The following OVCH1 variants were observed in gnomAD, a reference collection of about 807,000 sequenced individuals.
The protein encoded by OVCH1 is ovochymase-1.
Under a neutral mutation model 138.4 loss-of-function variants are expected in OVCH1, and 139 were observed. The observed-to-expected ratio is 1.00, with a 90% CI of 0.87 to 1.16. The LOEUF (loss-of-function observed/expected upper bound fraction) is 1.16. Among genes scored for constraint, OVCH1 ranks in the 50% most tolerant of loss-of-function variants. The pLI is 0.00. For synonymous variants in OVCH1, 453 were observed against 467.8 expected (o/e 0.97, Z 0.41); for missense variants, 1,367 against 1,357.9 (o/e 1.01, Z -0.11).
intron 16 of OVCH1, among the ~76,000 whole-genome samples, chr12:29,467,265 C>A (rs930854522): frequency 6.6e-6 from 1 of 152,112 alleles, no homozygotes; most frequent in Non-Finnish European, 1.5e-5. Context: ...GTATACAATA[C>A]AATGAAGTAA....
At chr12:29,476,349 G>A (rs771880308) in intron 12 of OVCH1, 50 bp from the exon 13 acceptor site, 1 of 1,435,384 alleles carries the variant, frequency 7.0e-7, no homozygotes, top group South Asian at 1.1e-5. Context: ...AGAGAAGAGA[G>A]AAGCTTAAAG....
intron 3 of OVCH1, among the ~76,000 whole-genome samples, chr12:29,421,494 T>C (rs536863660): frequency 1.2e-4 from 19 of 152,278 alleles, no homozygotes; most frequent in African/African-American, 4.1e-4. Context: ...TATGCATCTT[T>C]AGGATACTCA....
downstream of OVCH1, among the ~76,000 whole-genome samples, chr12:29,410,311 T>G (rs1255401721): frequency 3.3e-5 from 5 of 151,068 alleles, no homozygotes; most frequent in Non-Finnish European, 7.4e-5. Context: ...CCATTTATAT[T>G]TAAAGTTAAT....
chr12:29,475,323 C>T (rs1378502630), intron 13 of OVCH1, 134 bp from the exon 14 acceptor site: 2 of 578,584 alleles, frequency 3.5e-6, no homozygotes, highest in African/African-American at 4.0e-5. Flanking sequence ...ACCCTTACAT[C>T]TCATGTGAGA....
At chr12:29,443,846 G>C (rs1050981778) in intron 24 of OVCH1, among the ~76,000 whole-genome samples, 2 of 151,974 alleles carry the variant, frequency 1.3e-5, no homozygotes, top group Non-Finnish European at 2.9e-5. Context: ...TATCTACTAT[G>C]TACCCAAATA....
At chr12:29,473,588 A>T (rs1942590308) in intron 14 of OVCH1, among the ~76,000 whole-genome samples, 1 of 152,090 alleles carries the variant, frequency 6.6e-6, no homozygotes, top group Non-Finnish European at 1.5e-5. Flanking sequence ...GAACCAAATG[A>T]TTTTAAGAGT....
At chr12:29,476,246 A>G (rs1311335442) in exon 13 of OVCH1, 2 of 1,613,714 alleles carry the variant, frequency 1.2e-6, no homozygotes, top group East Asian at 4.5e-5. Flanking sequence ...AAATCACAAC[A>G]GCATCATAAA....
chr12:29,494,133 C>A (rs1042128652), intron 4 of OVCH1, among the ~76,000 whole-genome samples: 1 of 152,084 alleles, frequency 6.6e-6, no homozygotes, highest in Non-Finnish European at 1.5e-5. Context: ...GTCCTTATTC[C>A]CTCACTTTAT....
At chr12:29,410,213 G>A (rs1940937334), downstream of OVCH1, among the ~76,000 whole-genome samples, 1 of 142,174 alleles carries the variant, frequency 7.0e-6, no homozygotes, top group African/African-American at 2.5e-5. Flanking sequence ...CTCTGCGTGT[G>A]AGATGGGTTT....
intron 7 of OVCH1, chr12:29,486,817 T>G (rs189719667): frequency 4.1e-5 from 17 of 416,418 alleles, no homozygotes; most frequent in Admixed American, 3.6e-4. Context: ...TTCATTGCTC[T>G]TGTAAAATCT....
chr12:29,496,135 T>G (rs779479407), intron 3 of OVCH1, 46 bp downstream of exon 3: 4 of 1,505,400 alleles, frequency 2.7e-6, no homozygotes, highest in Admixed American at 3.8e-5. Flanking sequence ...GCCAGTCGCA[T>G]AGCCAGGAAT....
intron 25 of OVCH1, among the ~76,000 whole-genome samples, chr12:29,440,334 A>G (rs1017326250): frequency 6.6e-6 from 1 of 152,192 alleles, no homozygotes; most frequent in Non-Finnish European, 1.5e-5. Context: ...CAGTTGATTA[A>G]CATTATAAGT....
At chr12:29,468,312 T>C (rs1942386220) in intron 16 of OVCH1, among the ~76,000 whole-genome samples, 1 of 152,158 alleles carries the variant, frequency 6.6e-6, no homozygotes, top group East Asian at 1.9e-4. Context: ...TACATATTTT[T>C]AAAGAAATTA....
chr12:29,416,362 G>C (rs1031077524), intron 3 of OVCH1, among the ~76,000 whole-genome samples: 7 of 152,088 alleles, frequency 4.6e-5, no homozygotes, highest in African/African-American at 1.7e-4. Flanking sequence ...CTGTTAAGAG[G>C]ATGAAGAGAC....
intron 22 of OVCH1, among the ~76,000 whole-genome samples, chr12:29,450,088 A>G (rs778671288): frequency 2.6e-5 from 4 of 152,208 alleles, no homozygotes; most frequent in Non-Finnish European, 4.4e-5. Flanking sequence ...AGGCAATACC[A>G]TTCAGAACAT....
intron 3 of OVCH1, among the ~76,000 whole-genome samples, chr12:29,418,032 G>A (rs1565561521): frequency 6.6e-6 from 1 of 152,226 alleles, no homozygotes; most frequent in Non-Finnish European, 1.5e-5. Flanking sequence ...TGTGTCCATG[G>A]AAAGGCATGG....
At chr12:29,414,840 A>G (rs1055109107) in intron 3 of OVCH1, among the ~76,000 whole-genome samples, 14 of 152,300 alleles carry the variant, frequency 9.2e-5, no homozygotes, top group Admixed American at 4.6e-4. Flanking sequence ...GCTACCATGT[A>G]TCCATTAAAA....
intron 13 of OVCH1, among the ~76,000 whole-genome samples, chr12:29,475,834 G>A (rs1156512935): frequency 1.3e-5 from 2 of 152,130 alleles, no homozygotes; most frequent in African/African-American, 4.8e-5. Context: ...TCAGACCCAC[G>A]TAGAAATTAT....
At chr12:29,434,033 C>T (rs1191427038) in intron 26 of OVCH1, among the ~76,000 whole-genome samples, 1 of 151,940 alleles carries the variant, frequency 6.6e-6, no homozygotes, top group East Asian at 1.9e-4. Flanking sequence ...CTATGATATC[C>T]GATTTCTATA....
Sources: allele counts gnomAD v4.1 joint callset (sites outside exome capture counted in the v4.1 genomes callset), GRCh38; gene constraint gnomAD v4.1.1; transcripts MANE v1.5; gene names NCBI Gene and HGNC (gene_info 2026-07-23, HGNC 2026-07-21).